Variants in ADGRB3 observed in about 807,000 individuals in gnomAD.
ADGRB3 encodes the protein adhesion G protein-coupled receptor B3.
In ADGRB3, 37 loss-of-function variants were observed where a neutral mutation model predicts 193.4. The observed-to-expected ratio is 0.19, with a 90% CI of 0.15 to 0.25. ADGRB3 has a LOEUF of 0.25. ADGRB3 is among the 10% of genes least tolerant of loss of function. The probability of loss-of-function intolerance (pLI) is 1.00; values close to 1 mark genes in which losing one functional copy is unlikely to be tolerated. For synonymous variants in ADGRB3, 690 were observed against 644.2 expected (o/e 1.07, Z -1.08); for missense variants, 1,637 against 1,852.9 (o/e 0.88, Z 2.14).
intron 3 of ADGRB3, among the ~76,000 whole-genome samples, chr6:68,866,509 C>T (rs375608124): frequency 5.9e-5 from 9 of 152,094 alleles, no homozygotes; most frequent in Admixed American, 1.3e-4. Context: ...AGTGGTACCA[C>T]GAGAGTGGGT....
intron 24 of ADGRB3, 74 bp downstream of exon 24, chr6:69,333,082 C>A: frequency 1.4e-6 from 2 of 1,474,352 alleles, no homozygotes; most frequent in Admixed American, 1.9e-5. Context: ...CCATCACTGA[C>A]TGCGTTTGAC....
At chr6:68,882,038 T>C (rs2150224728) in intron 3 of ADGRB3, among the ~76,000 whole-genome samples, 1 of 152,294 alleles carries the variant, frequency 6.6e-6, no homozygotes, top group East Asian at 1.9e-4. Flanking sequence ...TCCTAGGTGT[T>C]GATAAACTAG....
intron 17 of ADGRB3, among the ~76,000 whole-genome samples, chr6:69,168,639 A>T (rs1775191351): frequency 6.6e-6 from 1 of 152,042 alleles, no homozygotes; most frequent in South Asian, 2.1e-4. Context: ...ATGAGCCATA[A>T]TTTAAAATTA....
At chr6:68,837,211 G>A (rs1431818552) in intron 3 of ADGRB3, among the ~76,000 whole-genome samples, 1 of 152,150 alleles carries the variant, frequency 6.6e-6, no homozygotes, top group Non-Finnish European at 1.5e-5. Context: ...CTTACCTGAA[G>A]TATAGGAAAT....
At chr6:69,073,672 A>T (rs1772145342) in intron 16 of ADGRB3, among the ~76,000 whole-genome samples, 1 of 152,128 alleles carries the variant, frequency 6.6e-6, no homozygotes, top group African/African-American at 2.4e-5. Flanking sequence ...CTTATACTGC[A>T]CAGGCCTTGG....
intron 13 of ADGRB3, among the ~76,000 whole-genome samples, chr6:69,022,788 T>G (rs1484969608): frequency 1.3e-5 from 2 of 152,026 alleles, no homozygotes; most frequent in Admixed American, 6.6e-5. Flanking sequence ...AAAAGTACAT[T>G]ATTTTGAGGT....
intron 17 of ADGRB3, among the ~76,000 whole-genome samples, chr6:69,102,023 A>G (rs1412878738): frequency 6.6e-6 from 1 of 151,880 alleles, no homozygotes; most frequent in Non-Finnish European, 1.5e-5. Flanking sequence ...TAAAAATACA[A>G]AAAATTAGCC....
chr6:69,282,943 A>G (rs146746232), intron 20 of ADGRB3, among the ~76,000 whole-genome samples: 43 of 152,288 alleles, frequency 2.8e-4, no homozygotes, highest in Non-Finnish European at 5.0e-4. Flanking sequence ...GAGTGTGAGA[A>G]TAGATCAAGG....
intron 3 of ADGRB3, among the ~76,000 whole-genome samples, chr6:68,796,340 C>A (rs187364253): frequency 5.9e-5 from 9 of 151,924 alleles, no homozygotes; most frequent in Non-Finnish European, 2.9e-5. Flanking sequence ...TATTTTGAAG[C>A]CTTGTATTAA....
At chr6:68,986,103 A>G (rs1412552714) in intron 10 of ADGRB3, among the ~76,000 whole-genome samples, 1 of 152,166 alleles carries the variant, frequency 6.6e-6, no homozygotes, top group Non-Finnish European at 1.5e-5. Flanking sequence ...TTCCTTGTTT[A>G]TATTGGATAG....
chr6:69,232,743 C>G, intron 17 of ADGRB3: 1 of 899,736 alleles, frequency 1.1e-6, no homozygotes, highest in Non-Finnish European at 1.7e-6. Flanking sequence ...AGCAGCTATT[C>G]TAAAAGGAGG....
chr6:68,918,838 G>A (rs530689990), intron 3 of ADGRB3, among the ~76,000 whole-genome samples: 1 of 152,152 alleles, frequency 6.6e-6, no homozygotes, highest in South Asian at 2.1e-4. Flanking sequence ...CTCTAATGCA[G>A]GTTAAGTAGG....
chr6:69,327,422 A>G (rs1279563720), intron 21 of ADGRB3, among the ~76,000 whole-genome samples: 1 of 152,158 alleles, frequency 6.6e-6, no homozygotes, highest in Non-Finnish European at 1.5e-5. Context: ...TGGCCAATGG[A>G]ATGTTCCACT....
At chr6:69,350,583 G>T (rs538300354) in intron 26 of ADGRB3, among the ~76,000 whole-genome samples, 2 of 151,880 alleles carry the variant, frequency 1.3e-5, no homozygotes, top group East Asian at 3.9e-4. Flanking sequence ...AATTTCACAA[G>T]AACTCAAAGA....
At chr6:69,137,729 T>G (rs1386178605) in intron 17 of ADGRB3, among the ~76,000 whole-genome samples, 2 of 151,948 alleles carry the variant, frequency 1.3e-5, no homozygotes, top group Non-Finnish European at 2.9e-5. Context: ...CCCGGGAAGC[T>G]GAGGATGCAG....
chr6:68,777,981 A>G (rs1329966788), intron 3 of ADGRB3, among the ~76,000 whole-genome samples: 1 of 152,036 alleles, frequency 6.6e-6, no homozygotes, highest in Non-Finnish European at 1.5e-5. Flanking sequence ...GAACCAACAA[A>G]GCCTGTTGAT....
chr6:68,820,979 G>T (rs747177239), intron 3 of ADGRB3, among the ~76,000 whole-genome samples: 1 of 151,964 alleles, frequency 6.6e-6, no homozygotes, highest in Non-Finnish European at 1.5e-5. Flanking sequence ...TCCTTGACAG[G>T]TCTGGTCTGT....
intron 3 of ADGRB3, among the ~76,000 whole-genome samples, chr6:68,844,556 A>G (rs969344817): frequency 3.3e-5 from 5 of 152,200 alleles, no homozygotes; most frequent in Admixed American, 6.5e-5. Context: ...AATGTAAAGT[A>G]GTATGATCAC....
chr6:68,985,878 A>T (rs145980201), intron 10 of ADGRB3, among the ~76,000 whole-genome samples: 1 of 152,162 alleles, frequency 6.6e-6, no homozygotes, highest in East Asian at 1.9e-4. Flanking sequence ...TCTGCTTCTG[A>T]TTGGGGAGGT....
Sources: allele counts gnomAD v4.1 joint callset (sites outside exome capture counted in the v4.1 genomes callset), GRCh38; gene constraint gnomAD v4.1.1; transcripts MANE v1.5; gene names NCBI Gene and HGNC (gene_info 2026-07-23, HGNC 2026-07-21).